The following MIS18A variants were observed in gnomAD, a reference collection of about 807,000 sequenced individuals.
The protein encoded by MIS18A is protein Mis18-alpha.
MIS18A carries 14 observed loss-of-function variants against 25.0 expected under a neutral mutation model. That is an observed-to-expected ratio of 0.56 (90% CI 0.37 to 0.88). MIS18A has a LOEUF of 0.88. Ranked by LOEUF, MIS18A falls within the 40% of genes least tolerant of loss-of-function variation. The probability of loss-of-function intolerance (pLI) is 0.00; values close to 1 mark genes in which losing one functional copy is unlikely to be tolerated. For synonymous variants in MIS18A, 134 were observed against 118.6 expected (o/e 1.13, Z -0.84); for missense variants, 292 against 290.8 (o/e 1.00, Z -0.03).
chr21:32,170,088 A>G, the MIS18A span, among the ~76,000 whole-genome samples: 1 of 152,178 alleles, frequency 6.6e-6, no homozygotes. Context: ...ACTATTATAA[A>G]TATGTTCAAA....
At chr21:32,239,881 G>C in the MIS18A span, among the ~76,000 whole-genome samples, 1 of 152,204 alleles carries the variant, frequency 6.6e-6, no homozygotes, top group Non-Finnish European at 1.5e-5. Flanking sequence ...AAAATCTTTG[G>C]TGGTTTCAAA....
chr21:32,160,311 C>T, the MIS18A span, among the ~76,000 whole-genome samples: 1 of 151,236 alleles, frequency 6.6e-6, no homozygotes, highest in Non-Finnish European at 1.5e-5. Context: ...CACACACACA[C>T]ACACACACAC....
the MIS18A span, among the ~76,000 whole-genome samples, chr21:32,243,344 G>A: frequency 6.6e-6 from 1 of 152,034 alleles, no homozygotes; most frequent in Non-Finnish European, 1.5e-5. Context: ...AAAAAGAGTT[G>A]GATCTAGAAT....
Position 32,274,650 on chromosome 21 carries a change from T to C in MIS18A, c.401+180A>G, listed in dbSNP as rs2833755. Among the ~76,000 whole-genome samples the C allele has an allele frequency of 0.062, 9,454 of 152,264 alleles. 379 individuals carry two copies. The highest frequency in any genetic ancestry group is 0.13 in the Middle Eastern group (37 of 294). On this transcript the variant is annotated intron_variant, in intron 2 of 4. Coordinates refer to ENST00000290130, the MANE Select transcript of MIS18A (RefSeq NM_018944.3). The stretch of plus-strand genomic sequence containing the variant: ...CCACAACCACTCAAGAACTAACATA[T>C]TCCTTTCTAAAACAGGATATAGAAA...
chr21:32,276,256 C>T (rs528960577), intron 1 of MIS18A, among the ~76,000 whole-genome samples: 1 of 151,548 alleles, frequency 6.6e-6, no homozygotes, highest in Non-Finnish European at 1.5e-5. Flanking sequence ...GTCAGGAGAT[C>T]GAGACCATCC....
the MIS18A span, among the ~76,000 whole-genome samples, chr21:32,201,276 A>C: frequency 6.6e-6 from 1 of 152,120 alleles, no homozygotes; most frequent in Non-Finnish European, 1.5e-5. Context: ...CCCACCTCCA[A>C]CATCGGAGCC....
chr21:32,198,575 C>G, the MIS18A span, among the ~76,000 whole-genome samples: 2 of 152,200 alleles, frequency 1.3e-5, no homozygotes, highest in African/African-American at 2.4e-5. Context: ...GCAGTCTGCC[C>G]GGTTCTGCCC....
At chr21:32,175,610 C>A in the MIS18A span, among the ~76,000 whole-genome samples, 2 of 148,250 alleles carry the variant, frequency 1.3e-5, no homozygotes, top group Admixed American at 6.8e-5. Flanking sequence ...GAGTTCTAAA[C>A]CAGCCTGCCC....
chr21:32,202,591 A>C, the MIS18A span, among the ~76,000 whole-genome samples: 19 of 152,308 alleles, frequency 1.2e-4, no homozygotes, highest in South Asian at 4.1e-4. Flanking sequence ...AACGCTTTTC[A>C]TCTTGCAAAG....
chr21:32,209,312 C>A, the MIS18A span, among the ~76,000 whole-genome samples: 1 of 152,040 alleles, frequency 6.6e-6, no homozygotes, highest in Non-Finnish European at 1.5e-5. Context: ...TTAAATGGAC[C>A]CTTTGAGATC....
the MIS18A span, among the ~76,000 whole-genome samples, chr21:32,206,849 G>T: frequency 6.6e-5 from 10 of 152,070 alleles, no homozygotes; most frequent in Non-Finnish European, 1.2e-4. Context: ...TGAATGCCCC[G>T]CTGTCTCTAG....
At chr21:32,228,431 G>A in the MIS18A span, among the ~76,000 whole-genome samples, 1 of 152,174 alleles carries the variant, frequency 6.6e-6, no homozygotes, top group Admixed American at 6.5e-5. Flanking sequence ...TTCTGCCTAT[G>A]ATCAGGAATA....
the MIS18A span, among the ~76,000 whole-genome samples, chr21:32,171,768 CATT>C: frequency 8.6e-5 from 13 of 151,988 alleles, no homozygotes; most frequent in Non-Finnish European, 1.5e-4. Context: ...TTGACTGAAA[CATT>C]GTTATACGGC....
chr21:32,166,562 G>T, the MIS18A span, among the ~76,000 whole-genome samples: 4 of 152,058 alleles, frequency 2.6e-5, no homozygotes, highest in Admixed American at 2.6e-4. Flanking sequence ...AGTGGCCAAA[G>T]CTGGAACAAA....
chr21:32,270,736 C>G (rs1038428365), intron 2 of MIS18A, among the ~76,000 whole-genome samples: 8 of 152,144 alleles, frequency 5.3e-5, no homozygotes, highest in Admixed American at 5.2e-4. Context: ...TATCAAATGA[C>G]AAGGGACATA....
At chr21:32,238,543 C>T in the MIS18A span, among the ~76,000 whole-genome samples, 56 of 152,286 alleles carry the variant, frequency 3.7e-4, no homozygotes, top group East Asian at 6.2e-3. Flanking sequence ...AAGTGCTAGA[C>T]GATGCACAGG....
chr21:32,221,901 A>T, the MIS18A span, among the ~76,000 whole-genome samples: 3 of 152,052 alleles, frequency 2.0e-5, no homozygotes, highest in Admixed American at 6.6e-5. Flanking sequence ...AGAAAAAAAA[A>T]GCTAGCATCA....
intron 3 of MIS18A, 85 bp downstream of exon 3, chr21:32,270,322 A>T (rs1316206479): frequency 1.4e-6 from 2 of 1,478,166 alleles, no homozygotes; most frequent in Non-Finnish European, 1.8e-6. Context: ...ATTTAACCAA[A>T]CAGTATTGAT....
At chr21:32,227,258 C>A in the MIS18A span, among the ~76,000 whole-genome samples, 2 of 151,262 alleles carry the variant, frequency 1.3e-5, no homozygotes, top group Non-Finnish European at 3.0e-5. Flanking sequence ...AAAAATAAAT[C>A]AATAAAACCA....
Sources: allele counts gnomAD v4.1 joint callset (sites outside exome capture counted in the v4.1 genomes callset), GRCh38; gene constraint gnomAD v4.1.1; transcripts MANE v1.5; gene names NCBI Gene and HGNC (gene_info 2026-07-23, HGNC 2026-07-21).